TOX: variants seen among roughly 807,000 people sequenced by gnomAD.
TOX encodes thymocyte selection associated high mobility group box.
Under a neutral mutation model 53.7 loss-of-function variants are expected in TOX, and 11 were observed. The ratio of observed to expected loss-of-function variants is 0.20; its 90% CI spans 0.13 to 0.34. TOX has a LOEUF of 0.34. Among genes scored for constraint, TOX ranks in the 10% least tolerant of loss-of-function variants. TOX has a pLI of 1.00. For synonymous variants in TOX, 225 were observed against 245.3 expected, an observed-to-expected ratio of 0.92 and a Z score of 0.77; for missense variants, 570 against 664.6, an observed-to-expected ratio of 0.86 and a Z score of 1.56.
chr8:59,049,707 GT>G (rs1803755119), intron 1 of TOX, among the ~76,000 whole-genome samples: 1 of 152,092 alleles, frequency 6.6e-6, no homozygotes, highest in Admixed American at 6.5e-5. Flanking sequence ...TTAAACAATG[GT>G]TTTCAAACAC....
At chr8:58,847,389 C>A (rs183787680) in intron 4 of TOX, among the ~76,000 whole-genome samples, 214 of 151,780 alleles carry the variant, frequency 1.4e-3, no homozygotes, top group African/African-American at 4.9e-3. Context: ...CAAATGAAAC[C>A]AAAAATATAA....
intron 1 of TOX, among the ~76,000 whole-genome samples, chr8:59,038,661 G>A (rs888747340): frequency 6.6e-6 from 1 of 152,154 alleles, no homozygotes; most frequent in Non-Finnish European, 1.5e-5. Context: ...ACCTGGATTC[G>A]ATGAGATTTG....
intron 1 of TOX, among the ~76,000 whole-genome samples, chr8:58,975,751 A>C (rs1487736893): frequency 6.6e-6 from 1 of 152,040 alleles, no homozygotes; most frequent in Non-Finnish European, 1.5e-5. Context: ...TGGCTGCTGA[A>C]GGCTGGGGTA....
intron 3 of TOX, among the ~76,000 whole-genome samples, chr8:58,926,825 T>C (rs1424260703): frequency 6.6e-6 from 1 of 152,202 alleles, no homozygotes; most frequent in African/African-American, 2.4e-5. Flanking sequence ...GTACAGCCTG[T>C]TGCTACCTGA....
chr8:59,033,042 AAAAAG>A (rs927821389), intron 1 of TOX, among the ~76,000 whole-genome samples: 1 of 151,962 alleles, frequency 6.6e-6, no homozygotes, highest in Non-Finnish European at 1.5e-5. Context: ...TCAAAAAAAA[AAAAAG>A]AAAAGAAAAG....
intron 5 of TOX, among the ~76,000 whole-genome samples, chr8:58,834,093 T>TA (rs374509086): frequency 1.3e-5 from 2 of 152,320 alleles, no homozygotes; most frequent in African/African-American, 4.8e-5. Flanking sequence ...GCAGCTCTAT[T>TA]AGTCATGTTC....
chr8:58,827,171 T>C (rs909717904), intron 5 of TOX, among the ~76,000 whole-genome samples: 1 of 152,012 alleles, frequency 6.6e-6, no homozygotes, highest in Non-Finnish European at 1.5e-5. Context: ...TAGATATGAG[T>C]GTAGAGGTAG....
intron 1 of TOX, among the ~76,000 whole-genome samples, chr8:59,060,013 T>A (rs1803952571): frequency 6.6e-6 from 1 of 152,174 alleles, no homozygotes; most frequent in Non-Finnish European, 1.5e-5. Context: ...TGATCAACCA[T>A]AGTTCTTTTT....
At chr8:58,977,503 C>T (rs1813123663) in intron 1 of TOX, among the ~76,000 whole-genome samples, 2 of 152,152 alleles carry the variant, frequency 1.3e-5, no homozygotes, top group African/African-American at 4.8e-5. Flanking sequence ...TTTTAATTTC[C>T]TTTAAGGACT....
intron 2 of TOX, among the ~76,000 whole-genome samples, chr8:58,946,923 G>A (rs965913955): frequency 2.6e-5 from 4 of 151,962 alleles, no homozygotes; most frequent in African/African-American, 7.3e-5. Context: ...AAGAAACACT[G>A]GCAAATTATA....
At chr8:58,873,666 C>T (rs549660981) in intron 3 of TOX, among the ~76,000 whole-genome samples, 62 of 152,200 alleles carry the variant, frequency 4.1e-4, no homozygotes, top group African/African-American at 1.4e-3. Context: ...AGAATGTTAA[C>T]GGGATGTTTT....
At chr8:59,096,225 T>G (rs1233900333) in intron 1 of TOX, among the ~76,000 whole-genome samples, 1 of 152,222 alleles carries the variant, frequency 6.6e-6, no homozygotes, top group Non-Finnish European at 1.5e-5. Context: ...ATGACTTTAA[T>G]TAGTTTAATT....
At chr8:59,099,680 TA>T (rs1283629760) in intron 1 of TOX, among the ~76,000 whole-genome samples, 1 of 152,180 alleles carries the variant, frequency 6.6e-6, no homozygotes, top group Non-Finnish European at 1.5e-5. Flanking sequence ...AGGAAACACA[TA>T]AGGTGATTAT....
chr8:58,871,018 T>TA (rs1337422540), intron 3 of TOX, among the ~76,000 whole-genome samples: 4 of 151,386 alleles, frequency 2.6e-5, no homozygotes, highest in Non-Finnish European at 4.4e-5. Context: ...TCATAATCAG[T>TA]AAAAAAAAGT....
chr8:58,843,081 C>T (rs1250063151), intron 4 of TOX, among the ~76,000 whole-genome samples: 1 of 152,100 alleles, frequency 6.6e-6, no homozygotes. Context: ...TGGTGTTGCC[C>T]CCATTAAAGC....
intron 3 of TOX, among the ~76,000 whole-genome samples, chr8:58,918,785 T>A (rs867891358): frequency 1.8e-5 from 2 of 112,296 alleles, no homozygotes; most frequent in African/African-American, 3.6e-5. Flanking sequence ...GCAGACGACA[T>A]GATTGTTTAT....
In TOX at chr8:59,119,064, AAC is replaced by A; in HGVS notation, c.-79_-78del. ...TGTTCAGCAAAACAAGCTTAGACGG[AAC>A]AGAGTGAGGTGTCTGGGCTCAGGAG... is the stretch of plus-strand genomic sequence containing the variant. On this transcript the variant is annotated 5_prime_UTR_variant, in exon 1 of 9. Coordinates refer to ENST00000361421, the MANE Select transcript of TOX (RefSeq NM_014729.3). The A allele has an allele frequency of 1.0e-6, 1 of 978,716 alleles. No individual in the cohort carries two copies. The highest frequency in any genetic ancestry group is 1.6e-6 in the Non-Finnish European group (1 of 635,106). The allele number at this position is 978,716 out of a possible 1,614,324, so 60.6% of individuals were successfully genotyped here.
At chr8:58,839,806 TG>T (rs1810613828) in intron 4 of TOX, among the ~76,000 whole-genome samples, 1 of 152,222 alleles carries the variant, frequency 6.6e-6, no homozygotes, top group Non-Finnish European at 1.5e-5. Flanking sequence ...GGGATATTTG[TG>T]TAAAATAACT....
At chr8:58,975,248 A>ACT (rs1489678770) in intron 1 of TOX, among the ~76,000 whole-genome samples, 1 of 38,182 alleles carries the variant, frequency 2.6e-5, no homozygotes, top group Non-Finnish European at 1.1e-4. Flanking sequence ...ATATATATAC[A>ACT]CACACACACA....
Sources: gnomAD v4.1 joint callset for allele counts (sites outside exome capture counted in the v4.1 genomes callset) on GRCh38, gnomAD v4.1.1 for gene constraint, MANE v1.5 for transcripts, NCBI Gene and HGNC (gene_info 2026-07-23, HGNC 2026-07-21) for gene names.